Variants in MRPS18A observed in about 807,000 individuals in gnomAD.
The protein encoded by MRPS18A is mitochondrial ribosomal protein S18A, also known as large ribosomal subunit protein mL66.
MRPS18A carries 20 observed loss-of-function variants against 22.7 expected under a neutral mutation model. The ratio of observed to expected loss-of-function variants is 0.88; its 90% CI spans 0.62 to 1.28. The LOEUF is 1.28. Among genes scored for constraint, MRPS18A ranks in the 50% most tolerant of loss-of-function variants. The pLI, the probability that MRPS18A is intolerant of heterozygous loss-of-function variation, is 0.00. For synonymous variants in MRPS18A, 106 were observed against 99.1 expected (o/e 1.07, Z -0.41); for missense variants, 294 against 262.6 (o/e 1.12, Z -0.83).
intron 2 of MRPS18A, among the ~76,000 whole-genome samples, chr6:43,680,339 A>G (rs565300549): frequency 3.3e-5 from 5 of 152,190 alleles, no homozygotes; most frequent in Non-Finnish European, 7.3e-5. Flanking sequence ...CCTGGGAATA[A>G]GACTGCCTTG....
intron 5 of MRPS18A, among the ~76,000 whole-genome samples, chr6:43,672,937 C>G (rs570233767): frequency 6.6e-6 from 1 of 150,792 alleles, no homozygotes; most frequent in Non-Finnish European, 1.5e-5. Context: ...GGAATTGTCA[C>G]TGCCCTGGCC....
rs866541092 is a variant in MRPS18A, at chr6:43,675,505, G to A, written c.365C>T (p.Ala122Val). The change falls in exon 4 of 6, where the codon GCC becomes GTC. Residue 122 changes from alanine to valine, a missense_variant. Ala to Val is a moderately conservative substitution (Grantham distance 64, BLOSUM62 0). Coordinates refer to ENST00000372133, the MANE Select transcript of MRPS18A (RefSeq NM_018135.4). ...HRKIEECVKM[A>V]HRAGLLPNHR... ...CCAGGGCCTTCTACCTGCTCGGTGG[G>A]CCATCTTCACACACTCCTCGATCTT... The A allele has an allele frequency of 6.2e-7, 1 of 1,613,988 alleles. No homozygotes were observed. Among genetic ancestry groups the A allele is most frequent in the African/African-American group, 1.3e-5 (1 of 74,894 alleles).
At chr6:43,675,821 C>T (rs1774022955) in intron 3 of MRPS18A, among the ~76,000 whole-genome samples, 1 of 152,106 alleles carries the variant, frequency 6.6e-6, no homozygotes, top group South Asian at 2.1e-4. Flanking sequence ...TTCTGTACCC[C>T]ATTATCAACC....
intron 5 of MRPS18A, among the ~76,000 whole-genome samples, chr6:43,672,859 C>A (rs985419882): frequency 1.3e-5 from 2 of 152,102 alleles, no homozygotes; most frequent in Admixed American, 1.3e-4. Flanking sequence ...ACAGAAGCTG[C>A]GGGAGTTGCT....
chr6:43,687,762 A>T lies in MRPS18A; in HGVS notation c.18T>A (p.Ala6=), dbSNP rs758701439. 6.3e-7 allele frequency: 1 copy of T among 1,579,644 alleles called. No individual in the cohort carries two copies. The highest frequency in any genetic ancestry group is 8.6e-7 in the Non-Finnish European group (1 of 1,162,612). The change falls in exon 1 of 6, where the codon GCT becomes GCA. Residue 6 remains alanine (A), a synonymous_variant. Coordinates refer to ENST00000372133, the MANE Select transcript of MRPS18A (RefSeq NM_018135.4). ...GAAGCCGCCCACAGCCGGACACCAG[A>T]GCCTTGAGGGCCGCCATCTTCAAAA... MAALK[A]LVSGCGRLLR...
intron 5 of MRPS18A, among the ~76,000 whole-genome samples, chr6:43,674,197 G>A (rs1392335334): frequency 2.0e-5 from 3 of 152,114 alleles, no homozygotes. Context: ...AGGGTACCAG[G>A]AAGAAGCCCT....
In MRPS18A at chr6:43,673,473, C is replaced by T. The variant is rs1773867873; in HGVS notation, c.447-1567G>A. 6.6e-6 allele frequency among the ~76,000 whole-genome samples: 1 copy of T among 152,264 alleles called. No individual in the cohort carries two copies. On this transcript the variant is annotated intron_variant, in intron 5 of 5. Coordinates refer to ENST00000372133, the MANE Select transcript of MRPS18A (RefSeq NM_018135.4). The surrounding 1 kb of genome is among the most constrained non-coding windows in gnomAD (Gnocchi z 4.2). The stretch of plus-strand genomic sequence containing the variant: ...GAAAAGCTGGAAAGGTTCTCCAGAG[C>T]TACTGCCCTAAAGCTGTTCTTTCTC...
chr6:43,682,973 C>T (rs977378570), intron 1 of MRPS18A, among the ~76,000 whole-genome samples: 1 of 152,198 alleles, frequency 6.6e-6, no homozygotes, highest in African/African-American at 2.4e-5. Context: ...AGGAGAGACA[C>T]GTTCTGGTAC....
intron 3 of MRPS18A, among the ~76,000 whole-genome samples, chr6:43,677,885 G>A (rs538362535): frequency 1.3e-5 from 2 of 152,220 alleles, no homozygotes; most frequent in East Asian, 3.9e-4. Flanking sequence ...CCCTGGAAAC[G>A]ACTGCACTAG....
At chr6:43,672,686 C>T (rs752877350) in intron 5 of MRPS18A, 16 of 246,652 alleles carry the variant, frequency 6.5e-5, no homozygotes, top group Non-Finnish European at 1.2e-4. Flanking sequence ...GGGGCTCAAC[C>T]CAGCTGTCTC....
At position 43,685,894 on chromosome 6, in the gene MRPS18A, A is replaced by G. The variant is rs140193998; in HGVS notation, c.112+1774T>C. On this transcript the variant is annotated intron_variant, in intron 1 of 5. Coordinates refer to ENST00000372133, the MANE Select transcript of MRPS18A (RefSeq NM_018135.4). Reference sequence around the variant, plus strand: ...GAATATAGAATATGGTAGTGCCTTCATGTAGAATCATATTAATTCAACCTA... The same window carrying G: ...GAATATAGAATATGGTAGTGCCTTCGTGTAGAATCATATTAATTCAACCTA... Among the ~76,000 whole-genome samples the G allele has an allele frequency of 2.1e-3, 326 of 152,358 alleles. 3 individuals are homozygous for G. Among genetic ancestry groups the G allele is most frequent in the African/African-American group, 7.5e-3 (312 of 41,588 alleles).
chr6:43,684,171 A>T (rs1244287678), intron 1 of MRPS18A, among the ~76,000 whole-genome samples: 1 of 152,156 alleles, frequency 6.6e-6, no homozygotes, highest in Non-Finnish European at 1.5e-5. Context: ...ACATGAACAG[A>T]CACAGTGAAC....
chr6:43,675,117 G>T, intron 5 of MRPS18A, 85 bp downstream of exon 5: 1 of 1,194,068 alleles, frequency 8.4e-7, no homozygotes, highest in Non-Finnish European at 1.2e-6. Flanking sequence ...GCTTAAGCTG[G>T]CAGGGAATGG....
chr6:43,683,235 T>C (rs143219228), intron 1 of MRPS18A, among the ~76,000 whole-genome samples: 1,776 of 152,254 alleles, frequency 0.012, 19 homozygotes, highest in Non-Finnish European at 0.018. Flanking sequence ...ATCATCTTAC[T>C]AGAAGCCAGT....
chr6:43,676,021 G>C (rs566604165), intron 3 of MRPS18A, among the ~76,000 whole-genome samples: 1 of 152,104 alleles, frequency 6.6e-6, no homozygotes, highest in South Asian at 2.1e-4. Context: ...CACCATGCCT[G>C]GCTAATTTTT....
rs529846055 is a variant in MRPS18A at position 43,671,204 on chromosome 6, T to C, written c.*558A>G. 350 of 581,802 alleles carry C rather than the reference T, an allele frequency of 6.0e-4. 5 individuals carry two copies. The South Asian group carries it at 6.5e-3, about 11-fold the overall frequency. 36.0% of individuals were successfully genotyped at this position (581,802 alleles called of 1,614,324 possible). A position where few individuals can be genotyped will look rare whatever the true frequency, so the allele number is the denominator to read the frequency against. ...GAGAAGGTGACAACCAGGGCCCCTT[T>C]GAGGAACGCAGTTTCTTGGATTCAC... is the stretch of plus-strand genomic sequence containing the variant. On this transcript the variant is annotated 3_prime_UTR_variant, in exon 6 of 6. Coordinates refer to ENST00000372133, the MANE Select transcript of MRPS18A (RefSeq NM_018135.4).
At chr6:43,674,701 C>A (rs1045110051) in intron 5 of MRPS18A, among the ~76,000 whole-genome samples, 2 of 152,230 alleles carry the variant, frequency 1.3e-5, no homozygotes, top group Admixed American at 6.5e-5. Context: ...GCCTCCTAGG[C>A]TGCCACATGG....
rs970756981 is a variant in MRPS18A at position 43,671,449 on chromosome 6, A to C, written c.*313T>G. 3.8e-5 allele frequency: 17 copies of C among 452,902 alleles called. No individual in the cohort carries two copies. The East Asian group carries it at 7.4e-4, about 20-fold the overall frequency. 28.1% of individuals were successfully genotyped at this position (452,902 alleles called of 1,614,324 possible). ...TTCCCAAGCAGTGAGCGCACACCCA[A>C]TGGGTAAGCCCATGAACCCAGTTTA... is the stretch of plus-strand genomic sequence containing the variant. On this transcript the variant is annotated 3_prime_UTR_variant, in exon 6 of 6. Transcript: ENST00000372133.
intron 1 of MRPS18A, among the ~76,000 whole-genome samples, chr6:43,684,634 G>A (rs1205320867): frequency 6.6e-6 from 1 of 152,068 alleles, no homozygotes. Context: ...TCTGGACTAT[G>A]TCCCCTGAAT....
Sources: gnomAD v4.1 joint callset for allele counts (sites outside exome capture counted in the v4.1 genomes callset) on GRCh38, gnomAD v4.1.1 for gene constraint, Gnocchi (gnomAD v3.1) non-coding constraint, MANE v1.5 for transcripts, NCBI Gene and HGNC (gene_info 2026-07-23, HGNC 2026-07-21) for gene names.